The following ATP9A variants were observed in gnomAD, a reference collection of about 807,000 sequenced individuals.
ATP9A encodes the protein ATPase phospholipid transporting 9A.
Under a neutral mutation model 144.1 loss-of-function variants are expected in ATP9A, and 52 were observed. The ratio of observed to expected loss-of-function variants is 0.36; its 90% confidence interval spans 0.29 to 0.45. The LOEUF is 0.45. Ranked by LOEUF, ATP9A falls within the 20% of genes least tolerant of loss-of-function variation. The probability of loss-of-function intolerance (pLI) is 1.00; values close to 1 mark genes in which losing one functional copy is unlikely to be tolerated. For synonymous variants in ATP9A, 582 were observed against 557.4 expected, an observed-to-expected ratio of 1.04 and a Z score of -0.62; for missense variants, 947 against 1,392.7, an observed-to-expected ratio of 0.68 and a Z score of 5.09.
At chr20:51,716,791 C>G (rs1336810335) in intron 3 of ATP9A, among the ~76,000 whole-genome samples, 1 of 152,126 alleles carries the variant, frequency 6.6e-6, no homozygotes, top group Admixed American at 6.5e-5. Context: ...TCATTTAAAC[C>G]TCCCAACAAA....
At chr20:51,648,104 G>A (rs2426339) in intron 14 of ATP9A, among the ~76,000 whole-genome samples, 68,631 of 152,024 alleles carry the variant, frequency 0.45, 16,992 homozygotes, top group East Asian at 0.8. Flanking sequence ...TTCACACTCC[G>A]AGCTCATTCA....
In ATP9A at chr20:51,669,887, T is replaced by C. The variant is rs2122786115; in HGVS notation, c.1293+110A>G. The stretch of plus-strand genomic sequence containing the variant: ...ATATGCTTAAAAAAAAACAATGAAT[T>C]GTACTCTTGAAATGGGTGAATTGTA... On this transcript the variant is annotated intron_variant, in intron 13 of 27. Transcript: ENST00000338821. 3 of 769,766 alleles carry C rather than the reference T, an allele frequency of 3.9e-6. No homozygotes were observed. In the South Asian group the frequency reaches 5.0e-5, roughly 13 times the overall value. 47.7% of individuals were successfully genotyped at this position (769,766 alleles called of 1,614,324 possible). A position where few individuals can be genotyped will look rare whatever the true frequency, so the allele number is the denominator to read the frequency against.
intron 1 of ATP9A, among the ~76,000 whole-genome samples, chr20:51,748,948 T>TAGACAGACAGACAGAC (rs60891087): frequency 0.026 from 3,615 of 137,806 alleles, 96 homozygotes; most frequent in African/African-American, 0.062. Flanking sequence ...GATAGATAGA[T>TAGACAGACAGACAGAC]AGACAGACAG....
intron 9 of ATP9A, among the ~76,000 whole-genome samples, chr20:51,680,563 C>T (rs1010771470): frequency 6.6e-6 from 1 of 152,200 alleles, no homozygotes; most frequent in Non-Finnish European, 1.5e-5. Context: ...ACATCTTCTA[C>T]AGATTAATGC....
At chr20:51,676,765 C>T (rs1468056996) in intron 9 of ATP9A, among the ~76,000 whole-genome samples, 1 of 152,046 alleles carries the variant, frequency 6.6e-6, no homozygotes, top group Non-Finnish European at 1.5e-5. Context: ...AGGCATGAGC[C>T]ACCACGCCCA....
chr20:51,754,258 T>C (rs1310533446), intron 1 of ATP9A, among the ~76,000 whole-genome samples: 1 of 151,982 alleles, frequency 6.6e-6, no homozygotes, highest in East Asian at 2.0e-4. Context: ...TCCCAGCACT[T>C]TGGGAGGCCA....
In ATP9A at chr20:51,765,584, G is replaced by A. The variant is rs147008544; in HGVS notation, c.68+2718C>T. On this transcript the variant is annotated intron_variant, in intron 1 of 27. Coordinates refer to ENST00000338821, the MANE Select transcript of ATP9A (RefSeq NM_006045.3). ...GGAGAATCGCTTGAACCTGGAATGC[G>A]GACGTTGCAGTGAGCCGAGATCGTG... Among the ~76,000 whole-genome samples, 104 of 147,200 alleles carry A rather than the reference G, an allele frequency of 7.1e-4. 1 individual carries two copies. The East Asian group carries it at 0.018, about 25-fold the overall frequency.
chr20:51,716,220 G>A (rs1365930477), intron 3 of ATP9A, among the ~76,000 whole-genome samples: 1 of 152,056 alleles, frequency 6.6e-6, no homozygotes, highest in Non-Finnish European at 1.5e-5. Context: ...CATTTATTTG[G>A]TCATCATATA....
intron 14 of ATP9A, among the ~76,000 whole-genome samples, chr20:51,647,551 AAAAC>A (rs1316730858): frequency 6.6e-6 from 1 of 151,928 alleles, no homozygotes; most frequent in African/African-American, 2.4e-5. Flanking sequence ...ACTTCATCTC[AAAAC>A]AAACAAATAA....
chr20:51,719,748 G>GAAAAA lies in ATP9A; in HGVS notation c.327+6070_327+6071insTTTTT, dbSNP rs1412856612. Among the ~76,000 whole-genome samples, 77 of 92,160 alleles carry GAAAAA rather than the reference G, an allele frequency of 8.4e-4. 3 individuals are homozygous for GAAAAA. Among genetic ancestry groups the GAAAAA allele is most frequent in the African/African-American group, 2.0e-3 (67 of 33,614 alleles). 60.5% of individuals were successfully genotyped at this position (92,160 alleles called of 152,430 possible). A position where few individuals can be genotyped will look rare whatever the true frequency, so the allele number is the denominator to read the frequency against. ...CTCTGTCTCAAAAAAAAAAAAAAGG[G>GAAAAA]GGGGGAAGAAGAAACGGGCTGGGCA... On this transcript the variant is annotated intron_variant, in intron 3 of 27. Transcript: ENST00000338821.
rs747847453 is a variant in ATP9A, at chr20:51,729,989, G to C, written c.69-11C>G. 3.3e-6 allele frequency: 5 copies of C among 1,524,064 alleles called. No homozygotes were observed. The highest frequency in any genetic ancestry group is 4.4e-6 in the Non-Finnish European group (5 of 1,140,426). The allele number at this position is 1,524,064 out of a possible 1,614,324, so 94.4% of individuals were successfully genotyped here. A position where few individuals can be genotyped will look rare whatever the true frequency, so the allele number is the denominator to read the frequency against. On this transcript the variant is annotated splice_polypyrimidine_tract_variant and intron_variant, in intron 1 of 27. Transcript: ENST00000338821. The stretch of plus-strand genomic sequence containing the variant: ...AGCCACTCGCAGCACCTGTGGGAAA[G>C]AAACCCACGCATCAAGGCCACGCCC...
At chr20:51,754,495 C>T (rs1325291254) in intron 1 of ATP9A, among the ~76,000 whole-genome samples, 3 of 151,680 alleles carry the variant, frequency 2.0e-5, no homozygotes, top group Admixed American at 6.6e-5. Flanking sequence ...AAGAACAAAA[C>T]TCCATCTCGG....
At position 51,756,801 on chromosome 20, in the gene ATP9A, C is replaced by T. The variant is rs143077103; in HGVS notation, c.68+11501G>A. Among the ~76,000 whole-genome samples the T allele has an allele frequency of 5.9e-5, 9 of 152,336 alleles. No homozygotes were observed. In the East Asian group the frequency reaches 1.4e-3, roughly 23 times the overall value. On this transcript the variant is annotated intron_variant, in intron 1 of 27. Transcript: ENST00000338821. ...CTGCAACATTTCCCAAATGTTCTAA[C>T]AGCACAAGGCTTCCTTAATTACTAA...
rs1287437300 is a variant in ATP9A, at chr20:51,696,203, G to C, written c.496-59C>G. On this transcript the variant is annotated intron_variant, in intron 5 of 27. Coordinates refer to ENST00000338821, the MANE Select transcript of ATP9A (RefSeq NM_006045.3). ...TGAATGACCGTGTGCTGTGCGGTGGGGAGGGGGGCTTCCGCCCCCACCCCC... is the reference window on the plus strand; with the variant it reads ...TGAATGACCGTGTGCTGTGCGGTGGCGAGGGGGGCTTCCGCCCCCACCCCC... 1.9e-6 allele frequency: 3 copies of C among 1,546,892 alleles called. No homozygotes were observed. The African/African-American group carries it at 4.1e-5, about 21-fold the overall frequency.
chr20:51,734,015 C>T (rs1245899969), intron 1 of ATP9A, among the ~76,000 whole-genome samples: 3 of 151,970 alleles, frequency 2.0e-5, no homozygotes, highest in African/African-American at 7.3e-5. Context: ...CTCACTCTGT[C>T]GCCCAGGATG....
chr20:51,755,667 A>G (rs552307403), intron 1 of ATP9A, among the ~76,000 whole-genome samples: 1 of 152,162 alleles, frequency 6.6e-6, no homozygotes, highest in Non-Finnish European at 1.5e-5. Flanking sequence ...TGATGTGTTC[A>G]AGAATGTTCA....
intron 13 of ATP9A, among the ~76,000 whole-genome samples, chr20:51,658,899 G>GGGGGGGGGGGGT (rs2077399970): frequency 7.6e-6 from 1 of 132,118 alleles, no homozygotes; most frequent in African/African-American, 3.0e-5. Flanking sequence ...GGGGGGGGGG[G>GGGGGGGGGGGGT]GGGGAAGGCT....
chr20:51,619,456 G>A (rs941061035), intron 19 of ATP9A, among the ~76,000 whole-genome samples: 1 of 151,790 alleles, frequency 6.6e-6, no homozygotes, highest in African/African-American at 2.4e-5. Flanking sequence ...CTAGCTACTT[G>A]GGAGGCTGAG....
chr20:51,759,213 G>C (rs2077868917), intron 1 of ATP9A, among the ~76,000 whole-genome samples: 1 of 152,228 alleles, frequency 6.6e-6, no homozygotes. Flanking sequence ...GGGGCAAAGA[G>C]CTGTTGGTGC....
Sources: gnomAD v4.1 joint callset for allele counts (sites outside exome capture counted in the v4.1 genomes callset) on GRCh38, gnomAD v4.1.1 for gene constraint, MANE v1.5 for transcripts, NCBI Gene and HGNC (gene_info 2026-07-23, HGNC 2026-07-21) for gene names.